The following CD2AP variants were observed in gnomAD, a reference collection of about 807,000 sequenced individuals.
The protein encoded by CD2AP is CD2-associated protein.
Under a neutral mutation model 85.1 loss-of-function variants are expected in CD2AP, and 46 were observed. That is an observed-to-expected ratio of 0.54 (90% confidence interval 0.43 to 0.69). The LOEUF (loss-of-function observed/expected upper bound fraction) is 0.69, where lower values mean the gene tolerates loss of function less well. Ranked by LOEUF, CD2AP falls within the 30% of genes least tolerant of loss-of-function variation. The pLI, the probability that CD2AP is intolerant of heterozygous loss-of-function variation, is 0.00. For synonymous variants in CD2AP, 255 were observed against 252.9 expected, an observed-to-expected ratio of 1.01 and a Z score of -0.08; for missense variants, 769 against 729.5, an observed-to-expected ratio of 1.05 and a Z score of -0.62.
At chr6:47,603,823 C>T (rs1769204049) in intron 13 of CD2AP, among the ~76,000 whole-genome samples, 1 of 152,034 alleles carries the variant, frequency 6.6e-6, no homozygotes, top group Admixed American at 6.6e-5. Flanking sequence ...TTCTACCCTT[C>T]TCCATTTTGG....
chr6:47,580,151 A>G (rs911570610), intron 9 of CD2AP, among the ~76,000 whole-genome samples: 2 of 152,198 alleles, frequency 1.3e-5, no homozygotes, highest in South Asian at 4.1e-4. Flanking sequence ...TTGTTTTGTT[A>G]GATTGCATTC....
At chr6:47,500,730 G>A (rs1765975710) in intron 1 of CD2AP, among the ~76,000 whole-genome samples, 1 of 151,436 alleles carries the variant, frequency 6.6e-6, no homozygotes, top group Non-Finnish European at 1.5e-5. Context: ...AGAGTCTGCA[G>A]GAGGCCATTC....
At chr6:47,623,825 G>T (rs780433962) in intron 17 of CD2AP, among the ~76,000 whole-genome samples, 9 of 152,040 alleles carry the variant, frequency 5.9e-5, no homozygotes, top group Non-Finnish European at 1.3e-4. Context: ...TGTTGTTTAT[G>T]TATCCTTTGT....
At chr6:47,554,002 G>GCCT (rs1767603691) in intron 4 of CD2AP, among the ~76,000 whole-genome samples, 1 of 151,956 alleles carries the variant, frequency 6.6e-6, no homozygotes, top group East Asian at 1.9e-4. Flanking sequence ...TGTCACCTGG[G>GCCT]CTGGAGTCCA....
rs1769050790 is a variant in CD2AP at position 47,599,411 on chromosome 6, ATT to A, written c.1386_1387del (p.Ser463ThrfsTer15). On this transcript the variant is annotated frameshift_variant, in exon 13 of 18. Coordinates refer to ENST00000359314, the MANE Select transcript of CD2AP (RefSeq NM_012120.3). LOFTEE classifies it high-confidence loss of function. Reference sequence around the variant, plus strand: ...CTTAGACCAAAATCAGTAGACTTTGATTCACTTACAGTAAGGACCTCCAAAGA... The same window carrying A: ...CTTAGACCAAAATCAGTAGACTTTGACACTTACAGTAAGGACCTCCAAAGA... 3 of 1,612,498 alleles carry A rather than the reference ATT, an allele frequency of 1.9e-6. No homozygotes were observed. The highest frequency in any genetic ancestry group is 2.5e-6 in the Non-Finnish European group (3 of 1,179,088).
rs964860180 is a variant in CD2AP, at chr6:47,608,087, A to G, written c.1632+59A>G. Reference sequence around the variant, plus strand: ...TTCTGGGATTCTTTGTGGACATCAAACATAGGGAATTTAAGGTGTTCTTTA... The same window carrying G: ...TTCTGGGATTCTTTGTGGACATCAAGCATAGGGAATTTAAGGTGTTCTTTA... On this transcript the variant is annotated intron_variant, in intron 15 of 17. Coordinates refer to ENST00000359314, the MANE Select transcript of CD2AP (RefSeq NM_012120.3). The G allele has an allele frequency of 1.2e-5, 14 of 1,143,292 alleles. No homozygotes were observed. The African/African-American group carries it at 1.7e-4, about 14-fold the overall frequency. 70.8% of individuals were successfully genotyped at this position (1,143,292 alleles called of 1,614,324 possible).
At chr6:47,528,914 A>G (rs1464726326) in intron 2 of CD2AP, among the ~76,000 whole-genome samples, 1 of 152,168 alleles carries the variant, frequency 6.6e-6, no homozygotes, top group East Asian at 1.9e-4. Flanking sequence ...AGTCTTAGGC[A>G]TCTTTTGCAA....
chr6:47,558,745 C>T (rs781320687), intron 5 of CD2AP, among the ~76,000 whole-genome samples: 11 of 151,904 alleles, frequency 7.2e-5, no homozygotes, highest in East Asian at 1.9e-4. Context: ...TGAGGATTTT[C>T]GCATTGATGT....
At chr6:47,490,192 AGGC>A (rs2113966099) in intron 1 of CD2AP, among the ~76,000 whole-genome samples, 1 of 152,294 alleles carries the variant, frequency 6.6e-6, no homozygotes, top group South Asian at 2.1e-4. Flanking sequence ...CATATTGCCC[AGGC>A]TGGTCTTAAA....
chr6:47,534,718 C>T (rs945775152), intron 3 of CD2AP, among the ~76,000 whole-genome samples: 4 of 151,910 alleles, frequency 2.6e-5, no homozygotes, highest in African/African-American at 4.8e-5. Flanking sequence ...AAATATTAAA[C>T]GTGTACAAAG....
intron 11 of CD2AP, among the ~76,000 whole-genome samples, chr6:47,582,795 GT>G (rs146539285): frequency 0.35 from 32,155 of 90,908 alleles, 3,733 homozygotes; most frequent in East Asian, 0.63. Flanking sequence ...TTTTTGTTTT[GT>G]TTTTTTTTTT....
intron 17 of CD2AP, among the ~76,000 whole-genome samples, chr6:47,617,077 G>A (rs751033852): frequency 5.3e-4 from 80 of 152,170 alleles, no homozygotes; most frequent in Middle Eastern, 3.4e-3. Flanking sequence ...AAGTGATCCC[G>A]CCTCAGCCTC....
Position 47,609,338 on chromosome 6 carries a change from C to T in CD2AP, c.1814+34C>T, listed in dbSNP as rs774926642. On this transcript the variant is annotated intron_variant, in intron 16 of 17. Coordinates refer to ENST00000359314, the MANE Select transcript of CD2AP (RefSeq NM_012120.3). ...CCCTTCTTTTCTCCTGTGAGTACTA[C>T]TTAACCCATGCATAAAGAATTTTTT... 5 of 1,494,356 alleles carry T rather than the reference C, an allele frequency of 3.3e-6. No individual in the cohort carries two copies. The East Asian group carries it at 9.0e-5, about 27-fold the overall frequency. The allele number at this position is 1,494,356 out of a possible 1,614,324, so 92.6% of individuals were successfully genotyped here.
chr6:47,490,342 C>A (rs1186277147), intron 1 of CD2AP, among the ~76,000 whole-genome samples: 2 of 152,104 alleles, frequency 1.3e-5, no homozygotes, highest in Non-Finnish European at 2.9e-5. Flanking sequence ...CTTACATACC[C>A]AAAAGTTTTC....
chr6:47,485,368 G>A (rs1032803741), intron 1 of CD2AP, among the ~76,000 whole-genome samples: 1 of 151,886 alleles, frequency 6.6e-6, no homozygotes, highest in Non-Finnish European at 1.5e-5. Context: ...GTGTGTTTGT[G>A]TCTTATAAGA....
At chr6:47,529,198 C>T (rs939847051) in intron 2 of CD2AP, among the ~76,000 whole-genome samples, 2 of 84,524 alleles carry the variant, frequency 2.4e-5, no homozygotes, top group Non-Finnish European at 5.0e-5. Flanking sequence ...CCCCCCCCCC[C>T]CCAACTTATT....
chr6:47,545,507 C>G (rs1767341392), intron 4 of CD2AP, among the ~76,000 whole-genome samples: 1 of 152,180 alleles, frequency 6.6e-6, no homozygotes, highest in Non-Finnish European at 1.5e-5. Flanking sequence ...ATAGCTGATG[C>G]TCTCTTGAAA....
intron 17 of CD2AP, among the ~76,000 whole-genome samples, chr6:47,614,468 G>C (rs974519695): frequency 6.6e-6 from 1 of 152,198 alleles, no homozygotes; most frequent in Non-Finnish European, 1.5e-5. Context: ...GCTGATCAGT[G>C]TAGCAGTTAG....
intron 17 of CD2AP, among the ~76,000 whole-genome samples, chr6:47,618,776 A>G (rs1769666642): frequency 6.6e-6 from 1 of 152,186 alleles, no homozygotes. Context: ...TCTTTTGGAT[A>G]ATTCAGTATG....
Sources: allele counts gnomAD v4.1 joint callset (sites outside exome capture counted in the v4.1 genomes callset), GRCh38; gene constraint gnomAD v4.1.1; transcripts MANE v1.5; gene names NCBI Gene and HGNC (gene_info 2026-07-23, HGNC 2026-07-21).